The following IL1RAPL1 variants were observed in gnomAD, a reference collection of about 807,000 sequenced individuals.
The protein encoded by IL1RAPL1 is interleukin 1 receptor accessory protein like 1, also known as interleukin-1 receptor accessory protein-like 1.
A neutral mutation model predicts 48.4 loss-of-function variants in IL1RAPL1; 3 were observed. The ratio of observed to expected loss-of-function variants is 0.06; its 90% CI spans 0.03 to 0.16. IL1RAPL1 has a LOEUF of 0.16. IL1RAPL1 is among the 10% of genes least tolerant of loss of function. IL1RAPL1 has a pLI of 1.00. For missense variants in IL1RAPL1, 349 were observed against 530.6 expected (o/e 0.66, Z 3.36); for synonymous variants, 185 against 187.7 (o/e 0.99, Z 0.12).
intron 3 of IL1RAPL1, among the ~76,000 whole-genome samples, chrX:29,337,683 TA>T (rs1349226376): frequency 2.7e-5 from 3 of 111,655 alleles, no homozygotes; most frequent in Admixed American, 1.9e-4. Flanking sequence ...TTTATTTATT[TA>T]TTTTTTTTGA....
intron 2 of IL1RAPL1, among the ~76,000 whole-genome samples, chrX:28,904,790 A>G (rs1056018676): frequency 1.8e-5 from 2 of 112,380 alleles, no homozygotes; most frequent in African/African-American, 3.2e-5. Flanking sequence ...CAGAAGACCA[A>G]TGGAGAAAAA....
chrX:29,322,927 C>T (rs767980669), intron 3 of IL1RAPL1, among the ~76,000 whole-genome samples: 56 of 111,967 alleles, frequency 5.0e-4, no homozygotes, highest in African/African-American at 1.7e-3. Flanking sequence ...CCTTCTCAAC[C>T]TTCCCCTCTC....
chrX:28,751,697 C>T (rs1452337040), intron 1 of IL1RAPL1, among the ~76,000 whole-genome samples: 1 of 112,145 alleles, frequency 8.9e-6, no homozygotes, highest in Non-Finnish European at 1.9e-5. Flanking sequence ...GTAGTTGCTG[C>T]AAAACCAGTT....
Position 28,968,828 on chromosome X carries a change from TAACA to T in IL1RAPL1, c.82+179407_82+179410del, listed in dbSNP as rs1489266841. On this transcript the variant is annotated intron_variant, in intron 2 of 10. Coordinates refer to ENST00000378993, the MANE Select transcript of IL1RAPL1 (RefSeq NM_014271.4). ...AGAGATGGGATGAGTGCAGAGGCAA[TAACA>T]AACCAGGAACAGTGGTGGGAATACA... 2.7e-5 allele frequency among the ~76,000 whole-genome samples: 3 copies of T among 112,799 alleles called. No individual in the cohort carries two copies. In the East Asian group the frequency reaches 8.4e-4, roughly 32 times the overall value.
intron 6 of IL1RAPL1, among the ~76,000 whole-genome samples, chrX:29,856,421 T>G (rs770145403): frequency 7.9e-4 from 88 of 112,095 alleles, no homozygotes; most frequent in Non-Finnish European, 1.2e-3. Flanking sequence ...ATATGCATCA[T>G]GTATTACATA....
chrX:29,530,782 G>A (rs1322201245), intron 5 of IL1RAPL1, among the ~76,000 whole-genome samples: 1 of 107,145 alleles, frequency 9.3e-6, no homozygotes, highest in African/African-American at 3.4e-5. Context: ...CATGTGGAGT[G>A]ATTGCAGCTA....
chrX:29,889,007 T>C (rs1209464859), intron 6 of IL1RAPL1, among the ~76,000 whole-genome samples: 2 of 112,085 alleles, frequency 1.8e-5, no homozygotes, highest in Non-Finnish European at 3.8e-5. Context: ...ACTTTAAAGT[T>C]CAACTTGTTT....
At chrX:29,757,251 A>G (rs1201624490) in intron 6 of IL1RAPL1, among the ~76,000 whole-genome samples, 1 of 112,365 alleles carries the variant, frequency 8.9e-6, no homozygotes, top group African/African-American at 3.2e-5. Flanking sequence ...CATAGCTCAT[A>G]AAATTATAAT....
intron 2 of IL1RAPL1, among the ~76,000 whole-genome samples, chrX:29,066,853 C>A (rs1027258686): frequency 3.6e-5 from 4 of 111,697 alleles, no homozygotes; most frequent in Non-Finnish European, 7.5e-5. Context: ...ATGCTGGTAG[C>A]CTGCTGCTCT....
intron 5 of IL1RAPL1, among the ~76,000 whole-genome samples, chrX:29,655,374 A>T (rs765657281): frequency 5.0e-4 from 56 of 112,039 alleles, no homozygotes; most frequent in African/African-American, 1.7e-3. Context: ...TGAAAAAGCA[A>T]TCTACAGGCT....
At chrX:29,783,939 T>C (rs1929428094) in intron 6 of IL1RAPL1, among the ~76,000 whole-genome samples, 1 of 111,769 alleles carries the variant, frequency 8.9e-6, no homozygotes, top group South Asian at 3.7e-4. Context: ...ATGAACCAAT[T>C]TTTTTTTAAG....
At chrX:28,970,923 A>C (rs918377229) in intron 2 of IL1RAPL1, among the ~76,000 whole-genome samples, 3 of 111,359 alleles carry the variant, frequency 2.7e-5, no homozygotes, top group Non-Finnish European at 5.6e-5. Flanking sequence ...TTTTTCAGCC[A>C]CATAATACCA....
At chrX:29,197,276 A>G (rs1930462785) in intron 2 of IL1RAPL1, among the ~76,000 whole-genome samples, 1 of 111,934 alleles carries the variant, frequency 8.9e-6, no homozygotes, top group South Asian at 3.7e-4. Flanking sequence ...CAACTGCTTT[A>G]TTGTAACCAA....
chrX:29,614,372 A>G (rs1924210459), intron 5 of IL1RAPL1, among the ~76,000 whole-genome samples: 1 of 112,315 alleles, frequency 8.9e-6, no homozygotes, highest in African/African-American at 3.2e-5. Context: ...TAAAGATGAA[A>G]TATTTCAAGA....
chrX:28,839,554 T>G (rs1921313179), intron 2 of IL1RAPL1, among the ~76,000 whole-genome samples: 1 of 110,508 alleles, frequency 9.0e-6, no homozygotes, highest in African/African-American at 3.3e-5. Context: ...ACCAAATTTT[T>G]AAATAAAATG....
intron 5 of IL1RAPL1, among the ~76,000 whole-genome samples, chrX:29,484,848 T>C (rs1392410376): frequency 9.0e-6 from 1 of 111,509 alleles, no homozygotes; most frequent in East Asian, 2.8e-4. Context: ...TGTTATGGAA[T>C]AAAAGAAGAG....
intron 2 of IL1RAPL1, among the ~76,000 whole-genome samples, chrX:28,919,757 C>T (rs1923572714): frequency 1.8e-5 from 2 of 111,769 alleles, no homozygotes; most frequent in Non-Finnish European, 3.8e-5. Flanking sequence ...AAAATGAATG[C>T]TATAGCTGAC....
chrX:28,796,590 G>A (rs1014627802), intron 2 of IL1RAPL1, among the ~76,000 whole-genome samples: 1 of 111,916 alleles, frequency 8.9e-6, no homozygotes, highest in Non-Finnish European at 1.9e-5. Context: ...TTGACTCCAT[G>A]TCTTGCTCAT....
intron 1 of IL1RAPL1, among the ~76,000 whole-genome samples, chrX:28,738,948 G>C (rs1225014117): frequency 9.0e-6 from 1 of 110,785 alleles, no homozygotes; most frequent in Non-Finnish European, 1.9e-5. Flanking sequence ...GGCTGTCTAA[G>C]TGATCTTTCC....
Sources: gnomAD v4.1 joint callset for allele counts (sites outside exome capture counted in the v4.1 genomes callset) on GRCh38, gnomAD v4.1.1 for gene constraint, MANE v1.5 for transcripts, NCBI Gene and HGNC (gene_info 2026-07-23, HGNC 2026-07-21) for gene names.